The following XKR6 variants were observed in gnomAD, a reference collection of about 807,000 sequenced individuals.
The protein encoded by XKR6 is XK related 6.
Under a neutral mutation model 56.7 loss-of-function variants are expected in XKR6, and 22 were observed. The observed-to-expected ratio is 0.39, with a 90% CI of 0.28 to 0.55. The LOEUF is 0.55. XKR6 is among the 20% of genes least tolerant of loss of function. The pLI, the probability that XKR6 is intolerant of heterozygous loss-of-function variation, is 0.66. For missense variants in XKR6, 852 were observed against 889.0 expected, an observed-to-expected ratio of 0.96 and a Z score of 0.53; for synonymous variants, 524 against 387.8, an observed-to-expected ratio of 1.35 and a Z score of -4.13.
Position 11,201,365 on chromosome 8 carries a change from GT to G in XKR6, c.-27del. On this transcript the variant is annotated 5_prime_UTR_variant, in exon 1 of 3. Coordinates refer to ENST00000416569, the MANE Select transcript of XKR6 (RefSeq NM_173683.4). ...CTTGACTCTCTTCCCAGCTCCGGAGGTTGGGGGGGAGGGACGGCGGGGGGGG... is the reference window on the plus strand; with the variant it reads ...CTTGACTCTCTTCCCAGCTCCGGAGGTGGGGGGGAGGGACGGCGGGGGGGG... 6.9e-7 allele frequency: 1 copy of G among 1,458,800 alleles called. No homozygotes were observed. The highest frequency in any genetic ancestry group is 9.0e-7 in the Non-Finnish European group (1 of 1,111,254). The allele number at this position is 1,458,800 out of a possible 1,614,324, so 90.4% of individuals were successfully genotyped here. A position where few individuals can be genotyped will look rare whatever the true frequency, so the allele number is the denominator to read the frequency against.
intron 1 of XKR6, among the ~76,000 whole-genome samples, chr8:11,074,464 A>C (rs1177062697): frequency 2.0e-5 from 3 of 152,132 alleles, no homozygotes; most frequent in South Asian, 2.1e-4. Flanking sequence ...TCATTTATTC[A>C]ATCAATCATT....
chr8:11,029,694 C>T (rs903644429), intron 1 of XKR6, among the ~76,000 whole-genome samples: 6 of 152,122 alleles, frequency 3.9e-5, no homozygotes, highest in African/African-American at 1.2e-4. Context: ...TGACAGAAGA[C>T]GACCTCATTG....
At chr8:10,945,310 C>A (rs978867841) in intron 1 of XKR6, among the ~76,000 whole-genome samples, 1 of 152,154 alleles carries the variant, frequency 6.6e-6, no homozygotes, top group African/African-American at 2.4e-5. Flanking sequence ...ATGGTGAAAC[C>A]CTGTCTCTAC....
intron 1 of XKR6, among the ~76,000 whole-genome samples, chr8:10,993,487 G>C (rs554426023): frequency 6.6e-6 from 1 of 152,210 alleles, no homozygotes; most frequent in African/African-American, 2.4e-5. Flanking sequence ...CAGGTGGCAG[G>C]CTGAACACTG....
intron 1 of XKR6, among the ~76,000 whole-genome samples, chr8:11,161,725 T>G (rs879853805): frequency 3.3e-5 from 5 of 152,214 alleles, no homozygotes; most frequent in Admixed American, 1.3e-4. Flanking sequence ...GTCAATCACT[T>G]TGGAAGCTAT....
intron 1 of XKR6, among the ~76,000 whole-genome samples, chr8:11,066,182 T>A (rs1335569740): frequency 6.6e-6 from 1 of 152,254 alleles, no homozygotes; most frequent in African/African-American, 2.4e-5. Context: ...CCCTGTGGCT[T>A]GCCTCTGCCC....
intron 1 of XKR6, among the ~76,000 whole-genome samples, chr8:11,174,453 C>T (rs1032046053): frequency 1.6e-4 from 24 of 152,202 alleles, no homozygotes; most frequent in Non-Finnish European, 3.2e-4. Flanking sequence ...AGCCGAGCAC[C>T]GCATCGACTC....
intron 1 of XKR6, among the ~76,000 whole-genome samples, chr8:11,098,475 G>A (rs1472748607): frequency 6.6e-6 from 1 of 152,068 alleles, no homozygotes; most frequent in Non-Finnish European, 1.5e-5. Flanking sequence ...CACGGAATAC[G>A]AGGTGTCAGA....
intron 1 of XKR6, among the ~76,000 whole-genome samples, chr8:10,944,573 C>G (rs1801477786): frequency 6.6e-6 from 1 of 152,320 alleles, no homozygotes; most frequent in South Asian, 2.1e-4. Context: ...TCTGGCAGCT[C>G]AAAGGGCCTG....
intron 1 of XKR6, among the ~76,000 whole-genome samples, chr8:11,163,227 A>G (rs142292072): frequency 2.1e-4 from 32 of 152,352 alleles, no homozygotes; most frequent in South Asian, 6.2e-4. Flanking sequence ...AATAATCACC[A>G]TTCTTTAAAC....
At chr8:11,050,418 C>T (rs1799516851) in intron 1 of XKR6, among the ~76,000 whole-genome samples, 1 of 152,058 alleles carries the variant, frequency 6.6e-6, no homozygotes, top group Non-Finnish European at 1.5e-5. Context: ...TCGGAGATCC[C>T]TTCCAGCTCC....
chr8:11,107,690 C>G (rs879590520), intron 1 of XKR6: 1 of 152,874 alleles, frequency 6.5e-6, no homozygotes, highest in Non-Finnish European at 1.5e-5. Context: ...TGCACAGAAA[C>G]CCCTTGACAT....
chr8:11,107,419 G>A (rs868137039), intron 1 of XKR6, among the ~76,000 whole-genome samples: 3 of 151,922 alleles, frequency 2.0e-5, no homozygotes, highest in Non-Finnish European at 4.4e-5. Flanking sequence ...TCCTGGCCTT[G>A]GGCAGTCCTC....
chr8:10,906,536 G>C (rs574619311), intron 2 of XKR6, among the ~76,000 whole-genome samples: 1 of 152,340 alleles, frequency 6.6e-6, no homozygotes, highest in East Asian at 1.9e-4. Flanking sequence ...GAAATAATAT[G>C]CTGGTGAAAA....
At chr8:11,072,860 G>T (rs2129167540) in intron 1 of XKR6, among the ~76,000 whole-genome samples, 1 of 152,186 alleles carries the variant, frequency 6.6e-6, no homozygotes. Context: ...GACCAGCCTG[G>T]CCAACATGGT....
At chr8:11,033,765 T>G (rs969325663) in intron 1 of XKR6, among the ~76,000 whole-genome samples, 1 of 152,168 alleles carries the variant, frequency 6.6e-6, no homozygotes, top group Non-Finnish European at 1.5e-5. Flanking sequence ...GTGTGAATTA[T>G]GCAGATACCC....
chr8:11,073,026 A>C (rs1800174217), intron 1 of XKR6, among the ~76,000 whole-genome samples: 1 of 150,660 alleles, frequency 6.6e-6, no homozygotes, highest in African/African-American at 2.4e-5. Context: ...CTCCAGCCTC[A>C]GCGACAGAGC....
chr8:10,915,904 A>G (rs79315643), intron 2 of XKR6, among the ~76,000 whole-genome samples: 26,206 of 152,266 alleles, frequency 0.17, 2,619 homozygotes, highest in Non-Finnish European at 0.21. Flanking sequence ...CGAGCCAGCC[A>G]GAGAACGGGG....
At chr8:10,962,117 C>A (rs1000850474) in intron 1 of XKR6, among the ~76,000 whole-genome samples, 2 of 152,200 alleles carry the variant, frequency 1.3e-5, no homozygotes, top group Non-Finnish European at 2.9e-5. Flanking sequence ...GCGGGGGCGA[C>A]AGAGTGGGAG....
Sources: allele counts gnomAD v4.1 joint callset (sites outside exome capture counted in the v4.1 genomes callset), GRCh38; gene constraint gnomAD v4.1.1; transcripts MANE v1.5; gene names NCBI Gene and HGNC (gene_info 2026-07-23, HGNC 2026-07-21).